GPR39: variants seen among roughly 807,000 people sequenced by gnomAD.
GPR39 encodes the protein G protein-coupled receptor 39, also known as zinc sensing receptor.
Under a neutral mutation model 18.4 loss-of-function variants are expected in GPR39, and 23 were observed. The observed-to-expected ratio is 1.25, with a 90% confidence interval of 0.90 to 1.77. The LOEUF (loss-of-function observed/expected upper bound fraction) is 1.77. Among genes scored for constraint, GPR39 ranks in the 40% most tolerant of loss-of-function variants. The pLI is 0.00. For missense variants in GPR39, 647 were observed against 602.4 expected (o/e 1.07, Z -0.78); for synonymous variants, 280 against 257.9 (o/e 1.09, Z -0.82).
intron 1 of GPR39, among the ~76,000 whole-genome samples, chr2:132,497,667 C>T (rs1420251774): frequency 6.6e-6 from 1 of 152,168 alleles, no homozygotes; most frequent in Non-Finnish European, 1.5e-5. Flanking sequence ...TAACACCCTA[C>T]TTATTATGCC....
chr2:132,595,144 G>A (rs1028723483), intron 1 of GPR39, among the ~76,000 whole-genome samples: 7 of 152,088 alleles, frequency 4.6e-5, no homozygotes, highest in African/African-American at 9.7e-5. Flanking sequence ...ACTTACCGGC[G>A]TACGCTACCA....
chr2:132,512,222 C>A (rs1322076499), intron 1 of GPR39, among the ~76,000 whole-genome samples: 1 of 152,090 alleles, frequency 6.6e-6, no homozygotes, highest in Non-Finnish European at 1.5e-5. Context: ...GTAAGTAAAC[C>A]TAAGGCGTAT....
intron 1 of GPR39, among the ~76,000 whole-genome samples, chr2:132,556,664 G>A (rs1447163443): frequency 6.6e-6 from 1 of 152,186 alleles, no homozygotes; most frequent in East Asian, 1.9e-4. Flanking sequence ...TGCATACAAT[G>A]CTATGTGGTG....
Position 132,473,968 on chromosome 2 carries a change from A to G in GPR39, c.856+56070A>G, listed in dbSNP as rs143279599. On this transcript the variant is annotated intron_variant, in intron 1 of 1. Coordinates refer to ENST00000329321, the MANE Select transcript of GPR39 (RefSeq NM_001508.3). ...GTCTTGCTAGTTACTAAGTATCTCTATACCAACTACACACTTAGTGACTGG... is the reference window on the plus strand; with the variant it reads ...GTCTTGCTAGTTACTAAGTATCTCTGTACCAACTACACACTTAGTGACTGG... 1.6e-4 allele frequency among the ~76,000 whole-genome samples: 24 copies of G among 152,320 alleles called. No individual in the cohort carries two copies. The East Asian group carries it at 4.6e-3, about 29-fold the overall frequency.
At chr2:132,427,937 GTTATATATA>G in intron 1 of GPR39, among the ~76,000 whole-genome samples, 1 of 144,032 alleles carries the variant, frequency 6.9e-6, no homozygotes, top group South Asian at 2.2e-4. Flanking sequence ...ATTATATATA[GTTATATATA>G]TTATATATAG....
chr2:132,526,398 C>A (rs1412809091), intron 1 of GPR39, among the ~76,000 whole-genome samples: 1 of 152,190 alleles, frequency 6.6e-6, no homozygotes, highest in African/African-American at 2.4e-5. Flanking sequence ...GGCTCCCAGG[C>A]AAATGGTTTT....
intron 1 of GPR39, among the ~76,000 whole-genome samples, chr2:132,520,080 T>C (rs1175375230): frequency 6.6e-6 from 1 of 152,178 alleles, no homozygotes; most frequent in Non-Finnish European, 1.5e-5. Context: ...CTTTCCTTTT[T>C]CTGACTTATA....
intron 1 of GPR39, among the ~76,000 whole-genome samples, chr2:132,580,105 G>T (rs1473594555): frequency 1.3e-5 from 2 of 152,178 alleles, no homozygotes; most frequent in African/African-American, 4.8e-5. Context: ...GCAAAGTTCG[G>T]GCTTCCTAGT....
intron 1 of GPR39, among the ~76,000 whole-genome samples, chr2:132,569,564 A>C (rs1250596409): frequency 7.9e-6 from 1 of 126,098 alleles, no homozygotes; most frequent in Non-Finnish European, 1.6e-5. Flanking sequence ...TCCGGCTTTG[A>C]GGGCTGAGTT....
intron 1 of GPR39, among the ~76,000 whole-genome samples, chr2:132,493,460 TATATATACACC>T (rs1436482485): frequency 6.9e-6 from 1 of 144,058 alleles, no homozygotes; most frequent in Non-Finnish European, 1.5e-5. Flanking sequence ...ACACACCATA[TATATATACACC>T]ATATATATAT....
At chr2:132,422,518 A>G (rs111478561) in intron 1 of GPR39, among the ~76,000 whole-genome samples, 6 of 150,790 alleles carry the variant, frequency 4.0e-5, no homozygotes, top group Admixed American at 6.6e-5. Flanking sequence ...TTATCTTACA[A>G]TCATGTTTTC....
Position 132,645,549 on chromosome 2 carries a change from A to C in GPR39, c.1305A>C (p.Ser435=). The C allele has an allele frequency of 6.2e-7, 1 of 1,614,148 alleles. No individual in the cohort carries two copies. The highest frequency in any genetic ancestry group is 8.5e-7 in the Non-Finnish European group (1 of 1,180,010). The change falls in exon 2 of 2, where the codon TCA becomes TCC. Residue 435 remains serine (S), a synonymous_variant. Coordinates refer to ENST00000329321, the MANE Select transcript of GPR39 (RefSeq NM_001508.3). The stretch of plus-strand genomic sequence containing the variant: ...GTCTCGAGTCACTAGAGCCCAACTC[A>C]GGCGCGAAACCAGCCAATTCTGCTG... ...SLSLESLEPN[S]GAKPANSAAE...
chr2:132,455,218 A>G (rs958151942), intron 1 of GPR39, among the ~76,000 whole-genome samples: 2 of 152,126 alleles, frequency 1.3e-5, no homozygotes, highest in Admixed American at 6.5e-5. Context: ...GGGAGGGTGT[A>G]TGTGTCCAGG....
chr2:132,465,823 C>T (rs1680918265), intron 1 of GPR39, among the ~76,000 whole-genome samples: 1 of 152,180 alleles, frequency 6.6e-6, no homozygotes, highest in South Asian at 2.1e-4. Flanking sequence ...ACATCACAAA[C>T]TCAGAGTGGT....
chr2:132,528,255 T>C (rs1467616468), intron 1 of GPR39, among the ~76,000 whole-genome samples: 2 of 152,198 alleles, frequency 1.3e-5, no homozygotes, highest in African/African-American at 2.4e-5. Flanking sequence ...TGTGGTGTTA[T>C]TTCTGAGTTC....
intron 1 of GPR39, among the ~76,000 whole-genome samples, chr2:132,629,350 C>A (rs1400533047): frequency 6.6e-6 from 1 of 152,162 alleles, no homozygotes; most frequent in Non-Finnish European, 1.5e-5. Flanking sequence ...ATATCCCATG[C>A]ACTACACTCT....
intron 1 of GPR39, among the ~76,000 whole-genome samples, chr2:132,557,488 G>A (rs1337218675): frequency 1.3e-5 from 2 of 152,114 alleles, no homozygotes; most frequent in African/African-American, 4.8e-5. Flanking sequence ...GTGCCTTAAT[G>A]CCAGAGAGTG....
chr2:132,573,374 A>G (rs1680475918), intron 1 of GPR39, among the ~76,000 whole-genome samples: 1 of 152,098 alleles, frequency 6.6e-6, no homozygotes, highest in Admixed American at 6.5e-5. Context: ...TGGATTCCCA[A>G]ATAAGAAAAG....
intron 1 of GPR39, among the ~76,000 whole-genome samples, chr2:132,577,073 G>T (rs1573677315): frequency 1.3e-5 from 2 of 151,296 alleles, no homozygotes; most frequent in South Asian, 4.2e-4. Context: ...ACTGTTTTTG[G>T]GGCTGGGCAA....
Sources: allele counts gnomAD v4.1 joint callset (sites outside exome capture counted in the v4.1 genomes callset), GRCh38; gene constraint gnomAD v4.1.1; transcripts MANE v1.5; gene names NCBI Gene and HGNC (gene_info 2026-07-23, HGNC 2026-07-21).